NR4A3: variants seen among roughly 807,000 people sequenced by gnomAD.
The protein encoded by NR4A3 is nuclear receptor subfamily 4 group A member 3.
A neutral mutation model predicts 55.6 loss-of-function variants in NR4A3; 13 were observed. The observed-to-expected ratio is 0.23, with a 90% CI of 0.15 to 0.37. The LOEUF (loss-of-function observed/expected upper bound fraction) is 0.37. Ranked by LOEUF, NR4A3 falls within the 10% of genes least tolerant of loss-of-function variation. The pLI is 1.00. For synonymous variants in NR4A3, 342 were observed against 357.9 expected, an observed-to-expected ratio of 0.96 and a Z score of 0.50; for missense variants, 646 against 822.8, an observed-to-expected ratio of 0.79 and a Z score of 2.63.
chr9:99,827,290 G>A (rs34232624), intron 2 of NR4A3, among the ~76,000 whole-genome samples: 4,943 of 139,000 alleles, frequency 0.036, 135 homozygotes, highest in African/African-American at 0.08. Context: ...GTGTGTGTGT[G>A]TATATATATA....
In NR4A3 at chr9:99,828,975, C is replaced by A; in HGVS notation, c.933C>A (p.Gly311=). The change falls in exon 3 of 8, where the codon GGC becomes GGA. Residue 311 remains glycine (G), a synonymous_variant. Transcript: ENST00000395097. The surrounding 1 kb of genome is among the most constrained non-coding windows in gnomAD (Gnocchi z 7.7). ...CQHYGVRTCE[G]CKGFFKRTVQ... ...ACTACGGCGTGCGAACCTGCGAGGG[C>A]TGCAAGGGCTTTTTCAAGGTGAGCG... The A allele has an allele frequency of 7.2e-7, 1 of 1,383,184 alleles. No homozygotes were observed. The highest frequency in any genetic ancestry group is 9.4e-7 in the Non-Finnish European group (1 of 1,066,660). The allele number at this position is 1,383,184 out of a possible 1,614,324, so 85.7% of individuals were successfully genotyped here. A position where few individuals can be genotyped will look rare whatever the true frequency, so the allele number is the denominator to read the frequency against.
At chr9:99,846,439 T>C (rs188724983) in intron 6 of NR4A3, among the ~76,000 whole-genome samples, 411 of 152,266 alleles carry the variant, frequency 2.7e-3, no homozygotes, top group Non-Finnish European at 5.1e-3. Context: ...CCCCAAGTCA[T>C]CATGTCCACC....
chr9:99,862,516 C>T (rs1381472642), intron 7 of NR4A3, among the ~76,000 whole-genome samples: 1 of 127,824 alleles, frequency 7.8e-6, no homozygotes, highest in Non-Finnish European at 1.6e-5. Context: ...CACCACTGCA[C>T]CCCAGCCTAG....
At chr9:99,857,173 G>A (rs34148386) in intron 7 of NR4A3, among the ~76,000 whole-genome samples, 1,630 of 152,174 alleles carry the variant, frequency 0.011, 14 homozygotes, top group African/African-American at 0.017. Flanking sequence ...AGATAATAAC[G>A]GAAGTTCTTG....
intron 7 of NR4A3, among the ~76,000 whole-genome samples, chr9:99,860,945 TTTTAA>T (rs1404300132): frequency 2.6e-5 from 4 of 152,260 alleles, no homozygotes; most frequent in African/African-American, 7.2e-5. Context: ...GTACTTTTTC[TTTTAA>T]TTTATTACAT....
intron 6 of NR4A3, among the ~76,000 whole-genome samples, chr9:99,847,034 A>G (rs1329553930): frequency 1.3e-5 from 2 of 152,206 alleles, no homozygotes; most frequent in Non-Finnish European, 2.9e-5. Flanking sequence ...AAGAAAATCA[A>G]GGACAAGCCC....
intron 7 of NR4A3, among the ~76,000 whole-genome samples, chr9:99,848,951 T>C (rs896756327): frequency 6.6e-6 from 1 of 152,218 alleles, no homozygotes. Flanking sequence ...GGCTCATCCT[T>C]GACCTTTTGG....
chr9:99,838,188 C>T (rs557721838), intron 5 of NR4A3, among the ~76,000 whole-genome samples: 2 of 152,270 alleles, frequency 1.3e-5, no homozygotes, highest in African/African-American at 2.4e-5. Context: ...GCTTCAGAGC[C>T]TGCATAATTA....
chr9:99,853,181 T>G (rs1403635340), intron 7 of NR4A3, among the ~76,000 whole-genome samples: 1 of 152,076 alleles, frequency 6.6e-6, no homozygotes, highest in Non-Finnish European at 1.5e-5. Context: ...ATATGTACTA[T>G]GCAGAAAAAA....
chr9:99,833,557 T>C, intron 5 of NR4A3, 103 bp downstream of exon 5: 6 of 1,610,828 alleles, frequency 3.7e-6, no homozygotes, highest in Non-Finnish European at 4.2e-6. Flanking sequence ...GGCACCATGT[T>C]AGACAGTTTT....
chr9:99,860,326 C>T (rs1039317578), intron 7 of NR4A3, among the ~76,000 whole-genome samples: 49 of 152,040 alleles, frequency 3.2e-4, no homozygotes, highest in African/African-American at 1.1e-3. Flanking sequence ...TTCTTCAGCC[C>T]TTTGCCTTTT....
At chr9:99,832,863 C>A in intron 4 of NR4A3, 45 bp downstream of exon 4, 1 of 1,396,226 alleles carries the variant, frequency 7.2e-7, no homozygotes, top group Non-Finnish European at 9.4e-7. Context: ...TACATATTAT[C>A]AGAAATCAGT....
chr9:99,859,724 A>G (rs1307255876), intron 7 of NR4A3, among the ~76,000 whole-genome samples: 1 of 152,122 alleles, frequency 6.6e-6, no homozygotes, highest in Non-Finnish European at 1.5e-5. Context: ...GGCCATGAGA[A>G]AGTCTGGTTA....
chr9:99,862,641 T>C (rs1828029515), intron 7 of NR4A3, among the ~76,000 whole-genome samples: 1 of 150,260 alleles, frequency 6.7e-6, no homozygotes, highest in Admixed American at 6.7e-5. Context: ...TGATTTGTTG[T>C]GGATGTCAGG....
Position 99,825,570 on chromosome 9 carries a change from T to C in NR4A3, c.-176-89T>C, listed in dbSNP as rs1307299743. On this transcript the variant is annotated intron_variant, in intron 1 of 7. Transcript: ENST00000395097. This position sits in a 1 kb window ranked among gnomAD's most constrained non-coding sequence, Gnocchi z 5.0. ...AACATTTCTAGAGGTTGCCAACCAA[T>C]TCCCCCAGTCCCCAATGCGCCCAGC... The C allele has an allele frequency of 1.3e-5, 2 of 153,000 alleles. No individual in the cohort carries two copies. The highest frequency in any genetic ancestry group is 2.9e-5 in the Non-Finnish European group (2 of 68,282). The allele number at this position is 153,000 out of a possible 1,614,324, so 9.5% of individuals were successfully genotyped here. A position where few individuals can be genotyped will look rare whatever the true frequency, so the allele number is the denominator to read the frequency against.
At chr9:99,827,036 C>T (rs545689968) in intron 2 of NR4A3, among the ~76,000 whole-genome samples, 1 of 152,192 alleles carries the variant, frequency 6.6e-6, no homozygotes, top group Admixed American at 6.5e-5. Context: ...TCAGTTCAGC[C>T]TCTCTGAACA....
intron 5 of NR4A3, chr9:99,834,850 T>A: frequency 7.1e-6 from 7 of 984,854 alleles, no homozygotes; most frequent in Non-Finnish European, 8.4e-6. Flanking sequence ...GGTTGAGGAC[T>A]CTTATTCTGA....
chr9:99,837,350 C>T (rs1252861971), intron 5 of NR4A3, among the ~76,000 whole-genome samples: 2 of 152,020 alleles, frequency 1.3e-5, no homozygotes, highest in Non-Finnish European at 2.9e-5. Flanking sequence ...ACCTTGGGAT[C>T]ATCTAATCCA....
intron 7 of NR4A3, among the ~76,000 whole-genome samples, chr9:99,859,541 T>TA (rs922072931): frequency 1.3e-5 from 2 of 152,248 alleles, no homozygotes; most frequent in African/African-American, 4.8e-5. Flanking sequence ...CTTTGGCTTC[T>TA]AACAGGACTG....
Sources: allele counts gnomAD v4.1 joint callset (sites outside exome capture counted in the v4.1 genomes callset), GRCh38; gene constraint gnomAD v4.1.1; non-coding constraint Gnocchi (gnomAD v3.1); transcripts MANE v1.5; gene names NCBI Gene and HGNC (gene_info 2026-07-23, HGNC 2026-07-21).